WTIP: variants seen among roughly 807,000 people sequenced by gnomAD.
WTIP encodes WT1 interacting protein, also known as Wilms tumor protein 1-interacting protein.
Under a neutral mutation model 41.7 loss-of-function variants are expected in WTIP, and 23 were observed. The observed-to-expected ratio is 0.55, with a 90% CI of 0.40 to 0.78. The LOEUF (loss-of-function observed/expected upper bound fraction) is 0.78, where lower values mean the gene tolerates loss of function less well. Ranked by LOEUF, WTIP falls within the 30% of genes least tolerant of loss-of-function variation. WTIP has a pLI of 0.00. For missense variants in WTIP, 619 were observed against 610.5 expected (o/e 1.01, Z -0.15); for synonymous variants, 314 against 269.9 (o/e 1.16, Z -1.60).
chr19:34,491,680 T>C (rs1298084872), intron 2 of WTIP, among the ~76,000 whole-genome samples: 1 of 150,160 alleles, frequency 6.7e-6, no homozygotes, highest in Non-Finnish European at 1.5e-5. Flanking sequence ...AGAGTCTCGC[T>C]CTCCCCGAGG....
At chr19:34,483,380 G>T (rs187047651) in intron 1 of WTIP, among the ~76,000 whole-genome samples, 2 of 151,942 alleles carry the variant, frequency 1.3e-5, no homozygotes, top group East Asian at 1.9e-4. Context: ...TTCATGCTTC[G>T]TGATGAGCAG....
intron 5 of WTIP, among the ~76,000 whole-genome samples, chr19:34,494,001 T>C (rs906321747): frequency 6.6e-6 from 1 of 152,136 alleles, no homozygotes; most frequent in African/African-American, 2.4e-5. Context: ...GCCTGTCTGA[T>C]CCCTGATCTG....
At position 34,510,674 on chromosome 19, in the gene WTIP, GCT is replaced by G. The variant is rs1446443746; in HGVS notation, c.*10408_*10409del. 1 of 152,164 alleles carries G rather than the reference GCT, an allele frequency of 6.6e-6. No homozygotes were observed. The highest frequency in any genetic ancestry group is 1.5e-5 in the Non-Finnish European group (1 of 68,028). The allele number at this position is 152,164 out of a possible 1,614,324, so 9.4% of individuals were successfully genotyped here. A position where few individuals can be genotyped will look rare whatever the true frequency, so the allele number is the denominator to read the frequency against. The stretch of plus-strand genomic sequence containing the variant: ...GGCTGCAAATTTTCCAATTTTTTAT[GCT>G]CTGTTTCCCTTTTAAAATGGAATGT... On this transcript the variant is annotated 3_prime_UTR_variant, in exon 8 of 8. Transcript: ENST00000590071.
At chr19:34,483,464 A>C (rs2075781516) in intron 1 of WTIP, among the ~76,000 whole-genome samples, 1 of 152,056 alleles carries the variant, frequency 6.6e-6, no homozygotes, top group Non-Finnish European at 1.5e-5. Context: ...TGGCCCAGGT[A>C]CCACCGGATA....
chr19:34,493,341 A>G lies in WTIP; in HGVS notation c.900+16A>G. On this transcript the variant is annotated intron_variant, in intron 4 of 7. Coordinates refer to ENST00000590071, the MANE Select transcript of WTIP (RefSeq NM_001080436.2). The surrounding 1 kb of genome is among the most constrained non-coding windows in gnomAD (Gnocchi z 4.1). ...CATGGAAATGGTGAGCCCCTGCCCCAGCCTCCTGGAGCCCCTCTGACGTGG... is the reference window on the plus strand; with the variant it reads ...CATGGAAATGGTGAGCCCCTGCCCCGGCCTCCTGGAGCCCCTCTGACGTGG... 6.2e-7 allele frequency: 1 copy of G among 1,609,828 alleles called. No individual in the cohort carries two copies.
At position 34,500,378 on chromosome 19, in the gene WTIP, C is replaced by T. The variant is rs1000557962; in HGVS notation, c.*109C>T. 3.1e-5 allele frequency: 43 copies of T among 1,366,558 alleles called. 1 individual carries two copies. In the South Asian group the frequency reaches 4.1e-4, roughly 13 times the overall value. The allele number at this position is 1,366,558 out of a possible 1,614,324, so 84.7% of individuals were successfully genotyped here. A position where few individuals can be genotyped will look rare whatever the true frequency, so the allele number is the denominator to read the frequency against. ...GAGCTCCCTCCAATCAGTTTCCCACCGAGCTGCTGTCTGCAGGGGCCGGAC... is the reference window on the plus strand; with the variant it reads ...GAGCTCCCTCCAATCAGTTTCCCACTGAGCTGCTGTCTGCAGGGGCCGGAC... On this transcript the variant is annotated 3_prime_UTR_variant, in exon 8 of 8. Coordinates refer to ENST00000590071, the MANE Select transcript of WTIP (RefSeq NM_001080436.2).
At chr19:34,492,971 T>C (rs2075833138) in intron 2 of WTIP, 66 bp from the exon 3 acceptor site, 2 of 1,562,956 alleles carry the variant, frequency 1.3e-6, no homozygotes, top group Non-Finnish European at 8.8e-7. Context: ...TGCTGAGAGC[T>C]GGAAGCACGG....
At chr19:34,487,630 A>AGT (rs1023287614) in intron 1 of WTIP, among the ~76,000 whole-genome samples, 24 of 152,342 alleles carry the variant, frequency 1.6e-4, no homozygotes, top group African/African-American at 5.5e-4. Flanking sequence ...GAGATGACCA[A>AGT]GTGTGGGCCA....
In WTIP at chr19:34,497,882, C is replaced by T. The variant is rs1039799452; in HGVS notation, c.1152+2111C>T. Among the ~76,000 whole-genome samples the T allele has an allele frequency of 9.2e-5, 14 of 152,312 alleles. 1 individual carries two copies. The South Asian group carries it at 1.5e-3, about 16-fold the overall frequency. On this transcript the variant is annotated intron_variant, in intron 7 of 7. Transcript: ENST00000590071. ...TTGCTGGGCCGTCCTGTGGACTGTG[C>T]GGTCCCCTGCAGATTGTCCAGTACC...
chr19:34,500,647 C>T lies in WTIP; in HGVS notation c.*378C>T, dbSNP rs1568403528. ...CTGTTGTTCAGGGGCCTGGCCCCCG[C>T]CCTCCCCCCCGACCCCGACCTCGCA... On this transcript the variant is annotated 3_prime_UTR_variant, in exon 8 of 8. Transcript: ENST00000590071. 2 of 189,282 alleles carry T rather than the reference C, an allele frequency of 1.1e-5. No homozygotes were observed. The highest frequency in any genetic ancestry group is 1.3e-4 in the East Asian group (1 of 7,740). 11.7% of individuals were successfully genotyped at this position (189,282 alleles called of 1,614,324 possible). A position where few individuals can be genotyped will look rare whatever the true frequency, so the allele number is the denominator to read the frequency against.
chr19:34,493,211 C>T lies in WTIP; in HGVS notation c.838-52C>T. ...GGCCAGGAGGCAGGTGCTAGCTGGGCCGCGAGTGCCCCTTTGTCACACAAT... is the reference window on the plus strand; with the variant it reads ...GGCCAGGAGGCAGGTGCTAGCTGGGTCGCGAGTGCCCCTTTGTCACACAAT... On this transcript the variant is annotated intron_variant, in intron 3 of 7. Coordinates refer to ENST00000590071, the MANE Select transcript of WTIP (RefSeq NM_001080436.2). This position sits in a 1 kb window ranked among gnomAD's most constrained non-coding sequence, Gnocchi z 4.1. The T allele has an allele frequency of 6.2e-7, 1 of 1,612,736 alleles. No individual in the cohort carries two copies. Among genetic ancestry groups the T allele is most frequent in the Non-Finnish European group, 8.5e-7 (1 of 1,178,952 alleles).
intron 7 of WTIP, 23 bp from the exon 8 acceptor site, chr19:34,500,106 C>T: frequency 6.3e-7 from 1 of 1,597,072 alleles, no homozygotes. Flanking sequence ...GACTCTGGGG[C>T]TGGGGGCTGT....
intron 5 of WTIP, among the ~76,000 whole-genome samples, chr19:34,494,134 G>A (rs2075840700): frequency 6.6e-6 from 1 of 152,188 alleles, no homozygotes; most frequent in South Asian, 2.1e-4. Context: ...TCTCACAGTG[G>A]TCCTAGCTAG....
In WTIP at chr19:34,502,254, CTTTTTT is replaced by C. The variant is rs35441081; in HGVS notation, c.*1999_*2004del. The C allele has an allele frequency of 1.8e-5, 2 of 110,108 alleles. No homozygotes were observed. The highest frequency in any genetic ancestry group is 3.9e-5 in the African/African-American group (1 of 25,684). The allele number at this position is 110,108 out of a possible 1,614,324, so 6.8% of individuals were successfully genotyped here. On this transcript the variant is annotated 3_prime_UTR_variant, in exon 8 of 8. Transcript: ENST00000590071. ...TACAGGTGTGTACCACTGTGCCCGG[CTTTTTT>C]TTTTTTTTTTTTTGAGACAGGGTCT... is the stretch of plus-strand genomic sequence containing the variant.
rs1170601815 is a variant in WTIP at position 34,506,453 on chromosome 19, G to T, written c.*6184G>T. 6.6e-6 allele frequency: 1 copy of T among 152,162 alleles called. No homozygotes were observed. The highest frequency in any genetic ancestry group is 1.5e-5 in the Non-Finnish European group (1 of 68,034). The allele number at this position is 152,162 out of a possible 1,614,324, so 9.4% of individuals were successfully genotyped here. A position where few individuals can be genotyped will look rare whatever the true frequency, so the allele number is the denominator to read the frequency against. On this transcript the variant is annotated 3_prime_UTR_variant, in exon 8 of 8. Coordinates refer to ENST00000590071, the MANE Select transcript of WTIP (RefSeq NM_001080436.2). Reference sequence around the variant, plus strand: ...CTTGTCTCGTGTTTTAGAGCTTGTAGGGTTTAATAAAACTAGTTAACAGCC... The same window carrying T: ...CTTGTCTCGTGTTTTAGAGCTTGTATGGTTTAATAAAACTAGTTAACAGCC...
chr19:34,498,370 C>T lies in WTIP; in HGVS notation c.1153-1759C>T, dbSNP rs534441127. Among the ~76,000 whole-genome samples the T allele has an allele frequency of 3.4e-4, 52 of 152,290 alleles. 1 individual carries two copies. In the South Asian group the frequency reaches 0.011, roughly 32 times the overall value. On this transcript the variant is annotated intron_variant, in intron 7 of 7. Transcript: ENST00000590071. ...GTGTGGTGGGAACTGGTGGACACTT[C>T]CTTCCGGGCCCCCCAGCAGCTTGGA...
intron 1 of WTIP, among the ~76,000 whole-genome samples, chr19:34,483,291 T>G (rs766480877): frequency 2.0e-5 from 3 of 151,180 alleles, no homozygotes; most frequent in Non-Finnish European, 4.4e-5. Context: ...CCCAAGGTGC[T>G]AGGATTACAG....
Position 34,482,239 on chromosome 19 carries a change from C to G in WTIP, c.265C>G (p.Pro89Ala). The G allele has an allele frequency of 8.2e-7, 1 of 1,218,842 alleles. No homozygotes were observed. The highest frequency in any genetic ancestry group is 4.1e-5 in the East Asian group (1 of 24,496). The allele number at this position is 1,218,842 out of a possible 1,614,324, so 75.5% of individuals were successfully genotyped here. A position where few individuals can be genotyped will look rare whatever the true frequency, so the allele number is the denominator to read the frequency against. Residue 89 changes from proline (P) to alanine (A), a missense_variant, in exon 1 of 8, where the codon CCA becomes GCA. Pro to Ala is a conservative substitution (Grantham distance 27). Around this residue, in one of 3 missense-constraint regions of WTIP, gnomAD observed 363 missense variants for 309.0 expected, o/e 1.17. Coordinates refer to ENST00000590071, the MANE Select transcript of WTIP (RefSeq NM_001080436.2). ...PELSAQPAGS[P>A]RASLAGSDGG... ...GCTCAGCGCGCAGCCTGCGGGCAGCCCACGGGCCAGCCTGGCGGGGTCCGA... is the reference window on the plus strand; with the variant it reads ...GCTCAGCGCGCAGCCTGCGGGCAGCGCACGGGCCAGCCTGGCGGGGTCCGA...
chr19:34,484,938 A>G (rs1270492781), intron 1 of WTIP, among the ~76,000 whole-genome samples: 1 of 150,388 alleles, frequency 6.6e-6, no homozygotes, highest in African/African-American at 2.4e-5. Context: ...TTTTCTTTAA[A>G]AAAAAAAAAA....
Sources: gnomAD v4.1 joint callset for allele counts (sites outside exome capture counted in the v4.1 genomes callset) on GRCh38, gnomAD v4.1.1 for gene constraint, gnomAD v4.1.1 regional missense constraint, Gnocchi (gnomAD v3.1) non-coding constraint, MANE v1.5 for transcripts, NCBI Gene and HGNC (gene_info 2026-07-23, HGNC 2026-07-21) for gene names.